Variants in PTPRM observed in about 807,000 individuals in gnomAD.
PTPRM encodes receptor-type tyrosine-protein phosphatase mu.
In PTPRM, 47 loss-of-function variants were observed where a neutral mutation model predicts 186.7. That is an observed-to-expected ratio of 0.25 (90% confidence interval 0.20 to 0.32). The LOEUF is 0.32. Ranked by LOEUF, PTPRM falls within the 10% of genes least tolerant of loss-of-function variation. The pLI, the probability that PTPRM is intolerant of heterozygous loss-of-function variation, is 1.00. For synonymous variants in PTPRM, 668 were observed against 674.9 expected (o/e 0.99, Z 0.16); for missense variants, 1,494 against 1,865.0 (o/e 0.80, Z 3.66).
intron 1 of PTPRM, among the ~76,000 whole-genome samples, chr18:7,594,497 CCAAA>C (rs998173032): frequency 2.0e-5 from 3 of 150,968 alleles, no homozygotes; most frequent in African/African-American, 7.3e-5. Flanking sequence ...AAAAAAAAAA[CCAAA>C]CAAACAAAAA....
intron 23 of PTPRM, among the ~76,000 whole-genome samples, chr18:8,369,443 TG>T (rs2148447526): frequency 1.3e-5 from 2 of 152,258 alleles, no homozygotes; most frequent in South Asian, 4.1e-4. Context: ...ATTAAGAAGT[TG>T]GAAAATACAC....
intron 20 of PTPRM, among the ~76,000 whole-genome samples, chr18:8,307,201 G>T (rs2095230848): frequency 1.3e-5 from 2 of 152,286 alleles, no homozygotes; most frequent in Admixed American, 1.3e-4. Context: ...CCGACTTAAT[G>T]TGAGTGATGG....
intron 1 of PTPRM, among the ~76,000 whole-genome samples, chr18:7,591,384 G>A (rs2037121609): frequency 6.6e-6 from 1 of 152,114 alleles, no homozygotes; most frequent in South Asian, 2.1e-4. Flanking sequence ...GTGGTCAGAG[G>A]GAGGGAGTGG....
At chr18:8,175,980 G>GCC in intron 14 of PTPRM, among the ~76,000 whole-genome samples, 1 of 152,156 alleles carries the variant, frequency 6.6e-6, no homozygotes, top group African/African-American at 2.4e-5. Context: ...CTCTTCTTAT[G>GCC]ACTAAAAAGT....
Position 8,073,014 on chromosome 18 carries a change from CCACCAGT to C in PTPRM, c.1441+3021_1441+3027del, listed in dbSNP as rs1373345529. On this transcript the variant is annotated intron_variant, in intron 8 of 32. Coordinates refer to ENST00000580170, the MANE Select transcript of PTPRM (RefSeq NM_001105244.2). ...TCTACTGCCATTTACCACAGGGTCA[CCACCAGT>C]ACATTCTAATAAGTCCATCCTTCTG... is the stretch of plus-strand genomic sequence containing the variant. Among the ~76,000 whole-genome samples, 7 of 101,686 alleles carry C rather than the reference CCACCAGT, an allele frequency of 6.9e-5. No homozygotes were observed. The Admixed American group carries it at 7.0e-4, about 10-fold the overall frequency. 66.7% of individuals were successfully genotyped at this position (101,686 alleles called of 152,430 possible).
chr18:7,752,006 C>T (rs2041241978), intron 1 of PTPRM, among the ~76,000 whole-genome samples: 1 of 152,204 alleles, frequency 6.6e-6, no homozygotes, highest in Admixed American at 6.5e-5. Context: ...GGCTGCCACC[C>T]CAACCAAATT....
chr18:8,322,284 A>G (rs1178892904), intron 22 of PTPRM, among the ~76,000 whole-genome samples: 2 of 152,072 alleles, frequency 1.3e-5, no homozygotes, highest in African/African-American at 4.8e-5. Context: ...TCCACCCTCA[A>G]TTTTATTGAT....
intron 1 of PTPRM, among the ~76,000 whole-genome samples, chr18:7,592,463 C>A (rs1388791445): frequency 6.6e-6 from 1 of 152,228 alleles, no homozygotes; most frequent in Non-Finnish European, 1.5e-5. Flanking sequence ...TTGCCCTCTG[C>A]CACTCTCTCA....
At chr18:7,575,886 G>A (rs1240745649) in intron 1 of PTPRM, among the ~76,000 whole-genome samples, 1 of 152,206 alleles carries the variant, frequency 6.6e-6, no homozygotes, top group Non-Finnish European at 1.5e-5. Flanking sequence ...AGACTAATGA[G>A]TCATCAAAAA....
intron 13 of PTPRM, among the ~76,000 whole-genome samples, chr18:8,139,620 C>T (rs1440159405): frequency 6.6e-6 from 1 of 152,154 alleles, no homozygotes; most frequent in Non-Finnish European, 1.5e-5. Context: ...CGCAGTTCAC[C>T]GCACTCCAGT....
intron 1 of PTPRM, among the ~76,000 whole-genome samples, chr18:7,574,501 C>T (rs1184687015): frequency 6.6e-6 from 1 of 152,140 alleles, no homozygotes; most frequent in African/African-American, 2.4e-5. Context: ...ATTTATTGAG[C>T]ACTTACATTT....
intron 6 of PTPRM, among the ~76,000 whole-genome samples, chr18:7,950,718 G>C (rs2052891885): frequency 6.6e-6 from 1 of 152,176 alleles, no homozygotes; most frequent in African/African-American, 2.4e-5. Context: ...GAGGAGGACA[G>C]GGATAAACTT....
chr18:8,076,312 T>G (rs2089809478), intron 8 of PTPRM, 143 bp from the exon 9 acceptor site: 2 of 596,158 alleles, frequency 3.4e-6, no homozygotes, highest in African/African-American at 1.9e-5. Flanking sequence ...TTGTTTAAGA[T>G]TCCAGATTTT....
intron 13 of PTPRM, among the ~76,000 whole-genome samples, chr18:8,127,562 A>C (rs2092402604): frequency 6.6e-6 from 1 of 151,940 alleles, no homozygotes. Context: ...AGTCAGGGTG[A>C]ATGTGGTTTC....
intron 2 of PTPRM, among the ~76,000 whole-genome samples, chr18:7,842,857 GAAACATATATATATA>G (rs2046397386): frequency 7.9e-6 from 1 of 126,240 alleles, no homozygotes; most frequent in Non-Finnish European, 1.6e-5. Flanking sequence ...GAGAGAGAGA[GAAACATATATATATA>G]TATGTTTCTC....
chr18:8,016,602 A>C (rs1217684002), intron 7 of PTPRM, among the ~76,000 whole-genome samples: 1 of 152,134 alleles, frequency 6.6e-6, no homozygotes, highest in Non-Finnish European at 1.5e-5. Context: ...AAAGCTTTGT[A>C]TAAACACATT....
chr18:7,769,511 A>G (rs926427231), intron 1 of PTPRM, among the ~76,000 whole-genome samples: 3 of 152,198 alleles, frequency 2.0e-5, no homozygotes, highest in African/African-American at 4.8e-5. Flanking sequence ...TGGCTACCCC[A>G]AAACTCAAAG....
chr18:7,698,174 A>G (rs947015564), intron 1 of PTPRM, among the ~76,000 whole-genome samples: 5 of 152,136 alleles, frequency 3.3e-5, no homozygotes, highest in Non-Finnish European at 5.9e-5. Flanking sequence ...CAAACCCCAC[A>G]TGTGGTCTGT....
rs1044878974 is a variant in PTPRM, at chr18:7,961,404, C to T, written c.1132+5990C>T. Reference sequence around the variant, plus strand: ...GTCTTTCTGTGACTGGCTTATTCCACGTAGCATAATGTTCTCCAGGTTTAT... The same window carrying T: ...GTCTTTCTGTGACTGGCTTATTCCATGTAGCATAATGTTCTCCAGGTTTAT... On this transcript the variant is annotated intron_variant, in intron 7 of 32. Transcript: ENST00000580170. Among the ~76,000 whole-genome samples, 6 of 152,318 alleles carry T rather than the reference C, an allele frequency of 3.9e-5. No homozygotes were observed. The South Asian group carries it at 6.2e-4, about 16-fold the overall frequency.
Sources: gnomAD v4.1 joint callset for allele counts (sites outside exome capture counted in the v4.1 genomes callset) on GRCh38, gnomAD v4.1.1 for gene constraint, MANE v1.5 for transcripts, NCBI Gene and HGNC (gene_info 2026-07-23, HGNC 2026-07-21) for gene names.